The following MDGA1 variants were observed in gnomAD, a reference collection of about 807,000 sequenced individuals.
The protein encoded by MDGA1 is MAM domain-containing glycosylphosphatidylinositol anchor protein 1.
A neutral mutation model predicts 101.5 loss-of-function variants in MDGA1; 54 were observed. The ratio of observed to expected loss-of-function variants is 0.53; its 90% CI spans 0.43 to 0.67. The LOEUF (loss-of-function observed/expected upper bound fraction) is 0.67. Ranked by LOEUF, MDGA1 falls within the 30% of genes least tolerant of loss-of-function variation. The probability of loss-of-function intolerance (pLI) is 0.00; values close to 1 mark genes in which losing one functional copy is unlikely to be tolerated. For synonymous variants in MDGA1, 533 were observed against 558.3 expected, an observed-to-expected ratio of 0.95 and a Z score of 0.64; for missense variants, 1,083 against 1,323.8, an observed-to-expected ratio of 0.82 and a Z score of 2.82.
At chr6:37,661,380 C>T (rs1409727110) in intron 2 of MDGA1, among the ~76,000 whole-genome samples, 1 of 152,160 alleles carries the variant, frequency 6.6e-6, no homozygotes, top group African/African-American at 2.4e-5. Flanking sequence ...ACTCCATGTT[C>T]CCTCAGTCCC....
chr6:37,648,701 G>A (rs1457766255), intron 9 of MDGA1: 1 of 542,480 alleles, frequency 1.8e-6, no homozygotes, highest in Non-Finnish European at 3.2e-6. Context: ...GCGGGCCTTG[G>A]AAGGCGAAGG....
chr6:37,691,384 G>A (rs1173492853), intron 1 of MDGA1, among the ~76,000 whole-genome samples: 1 of 152,286 alleles, frequency 6.6e-6, no homozygotes, highest in African/African-American at 2.4e-5. Flanking sequence ...TGGAAGCAAA[G>A]GCTGCAGAGG....
At chr6:37,685,849 C>G (rs1762186190) in intron 1 of MDGA1, among the ~76,000 whole-genome samples, 2 of 152,078 alleles carry the variant, frequency 1.3e-5, no homozygotes, top group Non-Finnish European at 2.9e-5. Context: ...CAGCCAGGAC[C>G]CCCACCCCCA....
chr6:37,662,307 G>A (rs1355130679), intron 2 of MDGA1, among the ~76,000 whole-genome samples: 1 of 152,008 alleles, frequency 6.6e-6, no homozygotes, highest in African/African-American at 2.4e-5. Context: ...ACCCATGCAA[G>A]AAACATAAAA....
chr6:37,671,648 G>C (rs1476576600), intron 1 of MDGA1, among the ~76,000 whole-genome samples: 1 of 152,172 alleles, frequency 6.6e-6, no homozygotes, highest in Non-Finnish European at 1.5e-5. Flanking sequence ...AAACTCTCAG[G>C]GAGTCAGACT....
intron 1 of MDGA1, among the ~76,000 whole-genome samples, chr6:37,692,107 T>C (rs1052490781): frequency 6.6e-6 from 1 of 152,150 alleles, no homozygotes; most frequent in African/African-American, 2.4e-5. Context: ...GGTTGAGGAA[T>C]GAGCATAACT....
At chr6:37,656,765 A>G (rs1761499081) in intron 3 of MDGA1, among the ~76,000 whole-genome samples, 2 of 152,184 alleles carry the variant, frequency 1.3e-5, no homozygotes, top group South Asian at 2.1e-4. Context: ...ATCTCCCATC[A>G]TGGGATGGAG....
Position 37,647,162 on chromosome 6 carries a change from C to A in MDGA1, c.2046+11G>T. ...CACCTGCCCCCAGGCCCCCGCTCCC[C>A]CTTGGCCCACCTGGCGGATGCTGAG... On this transcript the variant is annotated intron_variant, in intron 10 of 16. Coordinates refer to ENST00000434837, the MANE Select transcript of MDGA1 (RefSeq NM_153487.4). The A allele has an allele frequency of 6.3e-7, 1 of 1,588,806 alleles. No homozygotes were observed.
At chr6:37,668,534 A>C (rs1271026702) in intron 1 of MDGA1, among the ~76,000 whole-genome samples, 1 of 152,226 alleles carries the variant, frequency 6.6e-6, no homozygotes, top group East Asian at 1.9e-4. Flanking sequence ...TCTATGAGTA[A>C]ATAAGTTCTG....
chr6:37,654,616 G>A, intron 5 of MDGA1, 73 bp from the exon 6 acceptor site: 1 of 1,603,562 alleles, frequency 6.2e-7, no homozygotes, highest in Non-Finnish European at 8.5e-7. Flanking sequence ...AAGGGGCTAG[G>A]AAAACCATAG....
chr6:37,691,511 A>G (rs1330084554), intron 1 of MDGA1, among the ~76,000 whole-genome samples: 2 of 152,130 alleles, frequency 1.3e-5, no homozygotes. Flanking sequence ...CCCTGAAAAA[A>G]CCATGACCAA....
chr6:37,631,634 G>A lies in MDGA1; in HGVS notation c.*5734C>T, dbSNP rs915492919. Reference sequence around the variant, plus strand: ...CACACCCTTGATTTGGGGTCACTTTGCAAATGCTCATCACTGCCTATCCCC... The same window carrying A: ...CACACCCTTGATTTGGGGTCACTTTACAAATGCTCATCACTGCCTATCCCC... On this transcript the variant is annotated 3_prime_UTR_variant, in exon 17 of 17. Coordinates refer to ENST00000434837, the MANE Select transcript of MDGA1 (RefSeq NM_153487.4). The A allele has an allele frequency of 1.3e-5, 2 of 152,162 alleles. No homozygotes were observed. The highest frequency in any genetic ancestry group is 4.8e-5 in the African/African-American group (2 of 41,416). 9.4% of individuals were successfully genotyped at this position (152,162 alleles called of 1,614,324 possible). A position where few individuals can be genotyped will look rare whatever the true frequency, so the allele number is the denominator to read the frequency against.
chr6:37,663,517 G>C (rs936467651), intron 2 of MDGA1, among the ~76,000 whole-genome samples: 1 of 152,232 alleles, frequency 6.6e-6, no homozygotes, highest in Non-Finnish European at 1.5e-5. Flanking sequence ...GCGCTTGGGA[G>C]TTTACCCAAC....
chr6:37,670,474 T>G (rs1761844712), intron 1 of MDGA1, among the ~76,000 whole-genome samples: 1 of 152,226 alleles, frequency 6.6e-6, no homozygotes, highest in Admixed American at 6.5e-5. Flanking sequence ...ACTAGTGCAC[T>G]TGGCTGTGTG....
chr6:37,694,511 C>T (rs574262988), intron 1 of MDGA1, among the ~76,000 whole-genome samples: 5 of 152,304 alleles, frequency 3.3e-5, no homozygotes, highest in East Asian at 3.9e-4. Flanking sequence ...TTCTGCTTCG[C>T]GGGTACAGAA....
intron 1 of MDGA1, among the ~76,000 whole-genome samples, chr6:37,675,455 C>T (rs972507349): frequency 2.6e-5 from 4 of 152,024 alleles, no homozygotes; most frequent in Admixed American, 6.6e-5. Context: ...ATAATATAGC[C>T]CAGGATGCTT....
intron 1 of MDGA1, among the ~76,000 whole-genome samples, chr6:37,680,243 C>T (rs1440203563): frequency 6.6e-6 from 1 of 152,238 alleles, no homozygotes; most frequent in Non-Finnish European, 1.5e-5. Flanking sequence ...GCTGCCATGG[C>T]ACCACCTCTG....
At chr6:37,683,341 G>A (rs1472251483) in intron 1 of MDGA1, among the ~76,000 whole-genome samples, 10 of 152,224 alleles carry the variant, frequency 6.6e-5, no homozygotes, top group Admixed American at 6.5e-4. Flanking sequence ...GCTTGTACAT[G>A]CAGCCCTGAA....
chr6:37,692,363 T>A (rs1410826057), intron 1 of MDGA1, among the ~76,000 whole-genome samples: 2 of 151,836 alleles, frequency 1.3e-5, no homozygotes, highest in Non-Finnish European at 2.9e-5. Context: ...AGGTCCTCTG[T>A]CTTCACCGGG....
Sources: allele counts gnomAD v4.1 joint callset (sites outside exome capture counted in the v4.1 genomes callset), GRCh38; gene constraint gnomAD v4.1.1; transcripts MANE v1.5; gene names NCBI Gene and HGNC (gene_info 2026-07-23, HGNC 2026-07-21).